The following EPHA5 variants were observed in gnomAD, a reference collection of about 807,000 sequenced individuals.
The protein encoded by EPHA5 is ephrin type-A receptor 5.
EPHA5 carries 60 observed loss-of-function variants against 105.0 expected under a neutral mutation model. The ratio of observed to expected loss-of-function variants is 0.57; its 90% confidence interval spans 0.46 to 0.71. The LOEUF is 0.71. EPHA5 is among the 30% of genes least tolerant of loss of function. The pLI, the probability that EPHA5 is intolerant of heterozygous loss-of-function variation, is 0.00. For missense variants in EPHA5, 1,218 were observed against 1,274.7 expected, an observed-to-expected ratio of 0.96 and a Z score of 0.68; for synonymous variants, 513 against 449.1, an observed-to-expected ratio of 1.14 and a Z score of -1.80.
At chr4:65,364,047 G>A (rs963191947) in intron 11 of EPHA5, among the ~76,000 whole-genome samples, 21 of 151,474 alleles carry the variant, frequency 1.4e-4, no homozygotes, top group African/African-American at 5.1e-4. Flanking sequence ...CCTCAGGATT[G>A]CCTTCTTGCT....
chr4:65,518,635 G>C (rs374303607), intron 3 of EPHA5, among the ~76,000 whole-genome samples: 8 of 151,942 alleles, frequency 5.3e-5, no homozygotes, highest in African/African-American at 1.9e-4. Flanking sequence ...TTATCATTAT[G>C]TTCTTACGTC....
chr4:65,601,612 C>T (rs1190071888), intron 3 of EPHA5, 29 bp downstream of exon 3: 1 of 1,597,872 alleles, frequency 6.3e-7, no homozygotes, highest in Non-Finnish European at 8.6e-7. Flanking sequence ...AAGCAGACAG[C>T]CCCTGCAGAT....
chr4:65,352,992 C>A (rs1424481483), intron 12 of EPHA5, 50 bp downstream of exon 12: 1 of 1,286,750 alleles, frequency 7.8e-7, no homozygotes, highest in Admixed American at 2.1e-5. Flanking sequence ...AGCACAACAT[C>A]ACAATATATA....
intron 3 of EPHA5, among the ~76,000 whole-genome samples, chr4:65,576,026 G>A (rs1378523162): frequency 1.3e-5 from 1 of 75,984 alleles, no homozygotes; most frequent in Non-Finnish European, 2.6e-5. Context: ...AAGAAAGAAA[G>A]AAAGAAAGAA....
intron 8 of EPHA5, among the ~76,000 whole-genome samples, chr4:65,401,922 A>T (rs1401489905): frequency 2.0e-5 from 3 of 151,836 alleles, no homozygotes; most frequent in African/African-American, 4.8e-5. Context: ...AGAGAGAGAG[A>T]GAGAGAGAGA....
intron 5 of EPHA5, among the ~76,000 whole-genome samples, chr4:65,466,587 T>C (rs556428303): frequency 6.6e-6 from 1 of 152,194 alleles, no homozygotes; most frequent in Non-Finnish European, 1.5e-5. Flanking sequence ...CAGGGGACTG[T>C]TGCAATCTAG....
chr4:65,632,318 T>C (rs1272246079), intron 2 of EPHA5, among the ~76,000 whole-genome samples: 1 of 152,044 alleles, frequency 6.6e-6, no homozygotes, highest in East Asian at 1.9e-4. Flanking sequence ...AGGTTGTATA[T>C]TTCACAACTC....
intron 14 of EPHA5, among the ~76,000 whole-genome samples, chr4:65,336,924 A>C (rs552570349): frequency 2.0e-5 from 3 of 152,118 alleles, no homozygotes; most frequent in Non-Finnish European, 4.4e-5. Flanking sequence ...AGTGATACTA[A>C]AACAAATATT....
intron 3 of EPHA5, among the ~76,000 whole-genome samples, chr4:65,593,545 G>T (rs566168854): frequency 6.6e-6 from 1 of 152,098 alleles, no homozygotes; most frequent in East Asian, 1.9e-4. Context: ...CTGGGGTAAG[G>T]CTGAGATTCT....
At chr4:65,525,565 T>C (rs1335192340) in intron 3 of EPHA5, among the ~76,000 whole-genome samples, 2 of 151,852 alleles carry the variant, frequency 1.3e-5, no homozygotes, top group Non-Finnish European at 2.9e-5. Context: ...ATTGGAACCA[T>C]TGGAAAGCTA....
intron 3 of EPHA5, among the ~76,000 whole-genome samples, chr4:65,552,708 A>T (rs1007305413): frequency 1.3e-5 from 2 of 152,160 alleles, no homozygotes; most frequent in Non-Finnish European, 2.9e-5. Flanking sequence ...AAGATTCTTT[A>T]AAAAATATCA....
At position 65,575,502 on chromosome 4, in the gene EPHA5, C is replaced by T. The variant is rs188388690; in HGVS notation, c.910+26139G>A. Among the ~76,000 whole-genome samples, 13 of 152,288 alleles carry T rather than the reference C, an allele frequency of 8.5e-5. No homozygotes were observed. In the East Asian group the frequency reaches 2.5e-3, roughly 29 times the overall value. On this transcript the variant is annotated intron_variant, in intron 3 of 16. Transcript: ENST00000613740. The stretch of plus-strand genomic sequence containing the variant: ...GCTAACACTCTGCAAAGAGATGGAA[C>T]CATTAGAGTGGCTTATTTACTCACA...
At chr4:65,494,968 AGAG>A (rs1205805468) in intron 4 of EPHA5, among the ~76,000 whole-genome samples, 13 of 149,166 alleles carry the variant, frequency 8.7e-5, no homozygotes, top group Admixed American at 4.8e-4. Context: ...AAGAAGAAGA[AGAG>A]GAGGAGGAGG....
chr4:65,563,906 G>A (rs1739269638), intron 3 of EPHA5, among the ~76,000 whole-genome samples: 1 of 151,738 alleles, frequency 6.6e-6, no homozygotes, highest in African/African-American at 2.4e-5. Flanking sequence ...AATATCAAAG[G>A]CTAATAAATC....
intron 5 of EPHA5, among the ~76,000 whole-genome samples, chr4:65,428,995 A>G (rs1307459359): frequency 6.6e-6 from 1 of 152,056 alleles, no homozygotes; most frequent in Non-Finnish European, 1.5e-5. Context: ...TAGCAAAATT[A>G]ATCTCACACC....
At chr4:65,616,428 T>C (rs1191638944) in intron 2 of EPHA5, among the ~76,000 whole-genome samples, 1 of 143,552 alleles carries the variant, frequency 7.0e-6, no homozygotes, top group African/African-American at 2.6e-5. Context: ...ACTTAATGCA[T>C]ACACACACAC....
intron 5 of EPHA5, among the ~76,000 whole-genome samples, chr4:65,474,125 C>T (rs1318006749): frequency 6.6e-6 from 1 of 151,820 alleles, no homozygotes; most frequent in Non-Finnish European, 1.5e-5. Flanking sequence ...ACATATGTAA[C>T]AAACCTGCAC....
At chr4:65,528,602 T>C (rs564378529) in intron 3 of EPHA5, among the ~76,000 whole-genome samples, 2 of 152,306 alleles carry the variant, frequency 1.3e-5, no homozygotes, top group African/African-American at 4.8e-5. Flanking sequence ...GTTCAAGATA[T>C]CCAGTGATTT....
intron 5 of EPHA5, among the ~76,000 whole-genome samples, chr4:65,482,824 G>A (rs1165491245): frequency 6.7e-6 from 1 of 149,896 alleles, no homozygotes; most frequent in Non-Finnish European, 1.5e-5. Context: ...GAAAGACATT[G>A]CCTACCATTT....
Sources: gnomAD v4.1 joint callset for allele counts (sites outside exome capture counted in the v4.1 genomes callset) on GRCh38, gnomAD v4.1.1 for gene constraint, MANE v1.5 for transcripts, NCBI Gene and HGNC (gene_info 2026-07-23, HGNC 2026-07-21) for gene names.